WDR20: variants seen among roughly 807,000 people sequenced by gnomAD.
WDR20 encodes WD repeat domain 20.
Under a neutral mutation model 38.7 loss-of-function variants are expected in WDR20, and 3 were observed. The ratio of observed to expected loss-of-function variants is 0.08; its 90% CI spans 0.04 to 0.20. The LOEUF is 0.20. Among genes scored for constraint, WDR20 ranks in the 10% least tolerant of loss-of-function variants. WDR20 has a pLI of 1.00. For synonymous variants in WDR20, 298 were observed against 285.6 expected, an observed-to-expected ratio of 1.04 and a Z score of -0.44; for missense variants, 559 against 727.7, an observed-to-expected ratio of 0.77 and a Z score of 2.67.
In WDR20 at chr14:102,208,540, G is replaced by A. The variant is rs1597006306; in HGVS notation, c.433-63G>A. 6.6e-7 allele frequency: 1 copy of A among 1,520,082 alleles called. No individual in the cohort carries two copies. The highest frequency in any genetic ancestry group is 2.3e-5 in the East Asian group (1 of 44,046). 94.2% of individuals were successfully genotyped at this position (1,520,082 alleles called of 1,614,324 possible). A position where few individuals can be genotyped will look rare whatever the true frequency, so the allele number is the denominator to read the frequency against. On this transcript the variant is annotated intron_variant, in intron 2 of 2. Transcript: ENST00000342702. This position sits in a 1 kb window ranked among gnomAD's most constrained non-coding sequence, Gnocchi z 5.6. ...CATCGAGAAGCACACAAGTTTTCTTGCTGGAAAAGTAGACCTTTGAGACTT... is the reference window on the plus strand; with the variant it reads ...CATCGAGAAGCACACAAGTTTTCTTACTGGAAAAGTAGACCTTTGAGACTT...
intron 2 of WDR20, among the ~76,000 whole-genome samples, chr14:102,205,180 C>T (rs770661449): frequency 4.6e-5 from 7 of 151,772 alleles, no homozygotes; most frequent in Admixed American, 6.6e-5. Context: ...AGGATTGCTT[C>T]GGCCTGGGAG....
At position 102,205,519 on chromosome 14, in the gene WDR20, C is replaced by T. The variant is rs185577373; in HGVS notation, c.433-3084C>T. On this transcript the variant is annotated intron_variant, in intron 2 of 2. Coordinates refer to ENST00000342702, the MANE Select transcript of WDR20 (RefSeq NM_144574.4). ...ATGTATTACCCATTCACACAAAAAG[C>T]GTATCTTGAAAGGTAATTTTGAGGC... 2.0e-3 allele frequency among the ~76,000 whole-genome samples: 308 copies of T among 152,150 alleles called. 8 individuals carry two copies. The highest frequency in any genetic ancestry group is 4.3e-4 in the Non-Finnish European group (29 of 67,996).
At chr14:102,145,793 TAAAC>T (rs1478698764) in intron 1 of WDR20, among the ~76,000 whole-genome samples, 2 of 151,826 alleles carry the variant, frequency 1.3e-5, no homozygotes, top group Non-Finnish European at 2.9e-5. Context: ...CAATCAATAA[TAAAC>T]AAAAACTATA....
At chr14:102,180,420 A>G (rs1422959201) in intron 1 of WDR20, among the ~76,000 whole-genome samples, 1 of 152,186 alleles carries the variant, frequency 6.6e-6, no homozygotes, top group Non-Finnish European at 1.5e-5. Context: ...CACGTTTTCA[A>G]CCAGAGCTTT....
intron 1 of WDR20, chr14:102,193,491 A>T (rs760463655): frequency 6.2e-7 from 1 of 1,613,658 alleles, no homozygotes; most frequent in South Asian, 1.1e-5. Flanking sequence ...TAGAACAGAG[A>T]TTCTCATCTC....
chr14:102,197,649 AG>A, intron 2 of WDR20: 2 of 588,362 alleles, frequency 3.4e-6, no homozygotes, highest in Non-Finnish European at 6.1e-6. Context: ...GTCTTATAAA[AG>A]CCTTTTCATG....
chr14:102,172,436 C>T (rs1461512754), intron 1 of WDR20, among the ~76,000 whole-genome samples: 239 of 141,056 alleles, frequency 1.7e-3, no homozygotes, highest in African/African-American at 4.8e-3. Flanking sequence ...ACCTCCCAGA[C>T]GGGGTGGTGG....
At chr14:102,204,218 C>T (rs929650447) in intron 2 of WDR20, among the ~76,000 whole-genome samples, 5 of 152,114 alleles carry the variant, frequency 3.3e-5, no homozygotes, top group African/African-American at 7.2e-5. Context: ...TGTGTCTCTC[C>T]GCCTCGGAGT....
intron 1 of WDR20, among the ~76,000 whole-genome samples, chr14:102,146,148 GTTTT>G (rs1014801203): frequency 2.6e-5 from 4 of 151,372 alleles, no homozygotes; most frequent in African/African-American, 9.8e-5. Flanking sequence ...TGCTGGAAGA[GTTTT>G]TTTGTTTGTT....
At chr14:102,139,571 G>A (rs35538974), upstream of WDR20, 1,088 of 749,528 alleles carry the variant, frequency 1.5e-3, 11 homozygotes, top group African/African-American at 0.016. Flanking sequence ...GCCCCGCCGC[G>A]GTTCCCCCTG....
Position 102,139,959 on chromosome 14 carries a change from G to A in WDR20, c.36G>A (p.Glu12=), listed in dbSNP as rs778631628. The A allele has an allele frequency of 3.7e-6, 6 of 1,614,216 alleles. No individual in the cohort carries two copies. Among genetic ancestry groups the A allele is most frequent in the Non-Finnish European group, 5.1e-6 (6 of 1,180,014 alleles). ...AGGGAGGAGGGAAGGAGATGAACGA[G>A]ATTAAGACCCAATTCACCACCCGGG... ...ATEGGGKEMN[E]IKTQFTTREG... The change falls in exon 1 of 3, where the codon GAG becomes GAA. Residue 12 remains glutamate, a synonymous_variant. Coordinates refer to ENST00000342702, the MANE Select transcript of WDR20 (RefSeq NM_144574.4).
At position 102,210,092 on chromosome 14, in the gene WDR20, C is replaced by T; in HGVS notation, c.*212C>T. On this transcript the variant is annotated 3_prime_UTR_variant, in exon 3 of 3. Transcript: ENST00000342702. ...TAAAAAAATATAATCAAACTAATTG[C>T]CAGCCAAGTCAGTCATCCTCCTGGG... 1 of 1,329,944 alleles carries T rather than the reference C, an allele frequency of 7.5e-7. No homozygotes were observed. Among genetic ancestry groups the T allele is most frequent in the Non-Finnish European group, 9.6e-7 (1 of 1,043,886 alleles). The allele number at this position is 1,329,944 out of a possible 1,614,324, so 82.4% of individuals were successfully genotyped here.
chr14:102,191,625 A>T (rs1175911751), intron 1 of WDR20, among the ~76,000 whole-genome samples: 1 of 151,920 alleles, frequency 6.6e-6, no homozygotes, highest in Non-Finnish European at 1.5e-5. Context: ...CAGAAATACA[A>T]TTTTTTTTAT....
At chr14:102,181,787 G>A (rs781224685) in intron 1 of WDR20, among the ~76,000 whole-genome samples, 6 of 152,006 alleles carry the variant, frequency 3.9e-5, no homozygotes, top group African/African-American at 9.7e-5. Flanking sequence ...CATAGCCATA[G>A]CATATGTGGA....
rs781481095 is a variant in WDR20 at position 102,195,072 on chromosome 14, G to A, written c.384G>A (p.Gln128=). 3.7e-6 allele frequency: 6 copies of A among 1,614,164 alleles called. No individual in the cohort carries two copies. In the South Asian group the frequency reaches 6.6e-5, roughly 18 times the overall value. Reference sequence around the variant, plus strand: ...TGGGCTTTTCCGCAGGCCAAGTCCAGCTTATAGACCCAATCAAAAAAGAAA... The same window carrying A: ...TGGGCTTTTCCGCAGGCCAAGTCCAACTTATAGACCCAATCAAAAAAGAAA... ...LLVGFSAGQV[Q]LIDPIKKETS... is the part of the protein sequence containing the mutation. The change falls in exon 2 of 3, where the codon CAG becomes CAA. Residue 128 remains glutamine (Q), a synonymous_variant. Coordinates refer to ENST00000342702, the MANE Select transcript of WDR20 (RefSeq NM_144574.4).
downstream of WDR20, chr14:102,215,010 G>A (rs2063043195): frequency 5.1e-6 from 5 of 982,076 alleles, no homozygotes; most frequent in Non-Finnish European, 6.0e-6. Flanking sequence ...TGTAAATGTA[G>A]ATAATTTTCA....
At chr14:102,178,454 G>T (rs2062645722) in intron 1 of WDR20, among the ~76,000 whole-genome samples, 1 of 151,852 alleles carries the variant, frequency 6.6e-6, no homozygotes, top group Non-Finnish European at 1.5e-5. Context: ...TTCCTTGTAG[G>T]AATGGACCAT....
At chr14:102,173,042 C>G (rs2061287967) in intron 1 of WDR20, among the ~76,000 whole-genome samples, 1 of 150,820 alleles carries the variant, frequency 6.6e-6, no homozygotes, top group African/African-American at 2.4e-5. Flanking sequence ...TCCTCACTTC[C>G]TAGATGGGAT....
chr14:102,160,054 T>C (rs2058295634), intron 1 of WDR20, among the ~76,000 whole-genome samples: 1 of 151,980 alleles, frequency 6.6e-6, no homozygotes, highest in African/African-American at 2.4e-5. Context: ...CAGTGAGCTA[T>C]GATCATACCA....
Sources: gnomAD v4.1 joint callset for allele counts (sites outside exome capture counted in the v4.1 genomes callset) on GRCh38, gnomAD v4.1.1 for gene constraint, Gnocchi (gnomAD v3.1) non-coding constraint, MANE v1.5 for transcripts, NCBI Gene and HGNC (gene_info 2026-07-23, HGNC 2026-07-21) for gene names.